RBFOX1: variants seen among roughly 807,000 people sequenced by gnomAD.
RBFOX1 encodes the protein RNA binding protein fox-1 homolog 1.
A neutral mutation model predicts 57.7 loss-of-function variants in RBFOX1; 8 were observed. The observed-to-expected ratio is 0.14, with a 90% CI of 0.08 to 0.25. The LOEUF is 0.25. RBFOX1 is among the 10% of genes least tolerant of loss of function. The pLI is 1.00. For missense variants in RBFOX1, 611 were observed against 548.5 expected, an observed-to-expected ratio of 1.11 and a Z score of -1.14; for synonymous variants, 326 against 222.4, an observed-to-expected ratio of 1.47 and a Z score of -4.15.
chr16:7,035,574 A>G (rs1015923481), intron 3 of RBFOX1, among the ~76,000 whole-genome samples: 1 of 152,096 alleles, frequency 6.6e-6, no homozygotes, highest in African/African-American at 2.4e-5. Context: ...TTCTTTCTGA[A>G]GGTAAAGCTC....
chr16:6,872,664 C>T (rs1189964849), intron 3 of RBFOX1, among the ~76,000 whole-genome samples: 1 of 152,176 alleles, frequency 6.6e-6, no homozygotes, highest in Non-Finnish European at 1.5e-5. Context: ...AATGATTGGA[C>T]ACTGTCACTG....
intron 1 of RBFOX1, among the ~76,000 whole-genome samples, chr16:5,347,762 C>T (rs910004849): frequency 2.0e-5 from 3 of 148,498 alleles, no homozygotes; most frequent in African/African-American, 7.4e-5. Flanking sequence ...ACCCATCCAC[C>T]CACACTTCCA....
intron 4 of RBFOX1, among the ~76,000 whole-genome samples, chr16:7,456,484 C>G (rs546317273): frequency 2.0e-5 from 3 of 152,352 alleles, no homozygotes; most frequent in Admixed American, 1.3e-4. Context: ...CTCTCCAACT[C>G]CCAGCATTGT....
At chr16:5,712,371 A>G (rs2051522670) in intron 3 of RBFOX1, among the ~76,000 whole-genome samples, 2 of 152,194 alleles carry the variant, frequency 1.3e-5, no homozygotes, top group South Asian at 4.1e-4. Context: ...CAAGTGCTCT[A>G]AGGCTTAGGG....
chr16:5,817,677 A>C (rs1366998144), intron 3 of RBFOX1, among the ~76,000 whole-genome samples: 1 of 149,360 alleles, frequency 6.7e-6, no homozygotes, highest in African/African-American at 2.5e-5. Flanking sequence ...GGGTGCCTGC[A>C]GTGATGGGTC....
At chr16:6,242,629 A>AAGACACAC (rs71406362) in intron 1 of RBFOX1, among the ~76,000 whole-genome samples, 123 of 141,632 alleles carry the variant, frequency 8.7e-4, no homozygotes, top group Non-Finnish European at 1.6e-3. Flanking sequence ...ATTTATTGCA[A>AAGACACAC]ACACACACAC....
chr16:7,038,050 G>A (rs571766243), intron 3 of RBFOX1, among the ~76,000 whole-genome samples: 2 of 151,938 alleles, frequency 1.3e-5, no homozygotes, highest in Admixed American at 6.6e-5. Context: ...TCCCAGTAGA[G>A]AGATTCAAAT....
intron 10 of RBFOX1, among the ~76,000 whole-genome samples, chr16:7,610,857 C>A (rs575139129): frequency 6.6e-6 from 1 of 152,170 alleles, no homozygotes; most frequent in Admixed American, 6.5e-5. Flanking sequence ...ATTACTGTCA[C>A]GCATCTACAG....
intron 2 of RBFOX1, among the ~76,000 whole-genome samples, chr16:6,464,238 GGTACTACTGTGA>G: frequency 6.6e-6 from 1 of 152,202 alleles, no homozygotes; most frequent in South Asian, 2.1e-4. Flanking sequence ...TAGCCATTTT[GGTACTACTGTGA>G]GTAAAACAAA....
At chr16:5,720,521 G>C (rs918000906) in intron 3 of RBFOX1, among the ~76,000 whole-genome samples, 1 of 152,116 alleles carries the variant, frequency 6.6e-6, no homozygotes, top group Non-Finnish European at 1.5e-5. Flanking sequence ...CTAAGCCAAG[G>C]TTGTAAAGCT....
rs931946422 is a variant in RBFOX1 at position 5,946,148 on chromosome 16, C to T, written c.351+78813C>T. On this transcript the variant is annotated intron_variant, in intron 4 of 19. Coordinates refer to the RBFOX1 transcript ENST00000641259. The surrounding 1 kb of genome is among the most constrained non-coding windows in gnomAD (Gnocchi z 4.6). The stretch of plus-strand genomic sequence containing the variant: ...TTTGTTAATAGACCACCACTCCTGT[C>T]CTAACATGGCAGGATGTGATGGAAA... 6.6e-6 allele frequency among the ~76,000 whole-genome samples: 1 copy of T among 152,192 alleles called. No individual in the cohort carries two copies. Among genetic ancestry groups the T allele is most frequent in the Non-Finnish European group, 1.5e-5 (1 of 68,042 alleles).
intron 3 of RBFOX1, among the ~76,000 whole-genome samples, chr16:6,892,038 G>A (rs1378953593): frequency 6.6e-6 from 1 of 152,126 alleles, no homozygotes; most frequent in African/African-American, 2.4e-5. Flanking sequence ...AGAATTTTCT[G>A]TTGTAGTCGT....
chr16:6,833,550 C>T (rs758694742), intron 3 of RBFOX1, among the ~76,000 whole-genome samples: 2 of 152,302 alleles, frequency 1.3e-5, no homozygotes, highest in South Asian at 2.1e-4. Context: ...CAGCTACTCT[C>T]TGACAGTCTG....
intron 3 of RBFOX1, among the ~76,000 whole-genome samples, chr16:6,985,267 A>AATAT (rs1278085352): frequency 6.6e-6 from 1 of 152,188 alleles, no homozygotes; most frequent in Admixed American, 6.5e-5. Context: ...ATTGGTAGGG[A>AATAT]ATATATCTTA....
At position 6,992,409 on chromosome 16, in the gene RBFOX1, G is replaced by GA. The variant is rs2153613562; in HGVS notation, c.-15-59648_-15-59647insA. ...ATTTTTGTATTTTTAGTAGAGACGG[G>GA]GTTTCACCATGTTGGCCAGGCTGGT... On this transcript the variant is annotated intron_variant, in intron 3 of 15. Transcript: ENST00000550418. Among the ~76,000 whole-genome samples, 2 of 152,088 alleles carry GA rather than the reference G, an allele frequency of 1.3e-5. 1 individual carries two copies. Among genetic ancestry groups the GA allele is most frequent in the South Asian group, 4.1e-4 (2 of 4,820 alleles).
intron 4 of RBFOX1, among the ~76,000 whole-genome samples, chr16:7,313,184 A>G (rs532116334): frequency 1.4e-4 from 22 of 152,318 alleles, no homozygotes; most frequent in South Asian, 4.1e-4. Context: ...GGATCTATCT[A>G]TTGTCTCTGC....
At chr16:6,428,996 A>G (rs78991487) in intron 2 of RBFOX1, among the ~76,000 whole-genome samples, 1 of 152,184 alleles carries the variant, frequency 6.6e-6, no homozygotes, top group African/African-American at 2.4e-5. Flanking sequence ...CTTGTCTGGG[A>G]GGTGCACATT....
chr16:6,044,788 C>T (rs1258941476), intron 1 of RBFOX1, among the ~76,000 whole-genome samples: 1 of 152,254 alleles, frequency 6.6e-6, no homozygotes, highest in Non-Finnish European at 1.5e-5. Context: ...GAACTCTGAA[C>T]TGCCTGTCTG....
At chr16:6,146,649 G>T (rs1187605106) in intron 1 of RBFOX1, among the ~76,000 whole-genome samples, 1 of 152,192 alleles carries the variant, frequency 6.6e-6, no homozygotes, top group Non-Finnish European at 1.5e-5. Flanking sequence ...GCTGGGCATG[G>T]AATAGGATTC....
Sources: allele counts gnomAD v4.1 joint callset (sites outside exome capture counted in the v4.1 genomes callset), GRCh38; gene constraint gnomAD v4.1.1; non-coding constraint Gnocchi (gnomAD v3.1); transcripts MANE v1.5; gene names NCBI Gene and HGNC (gene_info 2026-07-23, HGNC 2026-07-21).